CNTNAP3: variants seen among roughly 807,000 people sequenced by gnomAD.
CNTNAP3 encodes the protein contactin-associated protein-like 3.
CNTNAP3 carries 36 observed loss-of-function variants against 92.1 expected under a neutral mutation model. That is an observed-to-expected ratio of 0.39 (90% confidence interval 0.30 to 0.52). CNTNAP3 has a LOEUF of 0.52. CNTNAP3 is among the 20% of genes least tolerant of loss of function. The pLI, the probability that CNTNAP3 is intolerant of heterozygous loss-of-function variation, is 0.76. For synonymous variants in CNTNAP3, 232 were observed against 422.3 expected (o/e 0.55, Z 5.53); for missense variants, 534 against 1,069.6 (o/e 0.50, Z 6.98).
intron 13 of CNTNAP3, among the ~76,000 whole-genome samples, chr9:39,122,741 T>A (rs1186481853): frequency 6.6e-6 from 1 of 152,180 alleles, no homozygotes; most frequent in Non-Finnish European, 1.5e-5. Context: ...TACAGTCTTA[T>A]GAGACAAATC....
Position 39,252,950 on chromosome 9 carries a change from G to GTA in CNTNAP3, c.197-13766_197-13765dup, listed in dbSNP as rs1463434644. Among the ~76,000 whole-genome samples the GTA allele has an allele frequency of 3.0e-4, 2 of 6,706 alleles. 1 individual carries two copies. The highest frequency in any genetic ancestry group is 0.023 in the Non-Finnish European group (2 of 88). 4.4% of individuals were successfully genotyped at this position (6,706 alleles called of 152,430 possible). On this transcript the variant is annotated intron_variant, in intron 2 of 23. Coordinates refer to ENST00000297668, the MANE Select transcript of CNTNAP3 (RefSeq NM_033655.5). ...TATGTACTGACATATGTGTGTGTGT[G>GTA]TATATATATATATACACACACTCAC...
intron 14 of CNTNAP3, among the ~76,000 whole-genome samples, chr9:39,110,969 CA>C (rs1826733695): frequency 6.6e-6 from 1 of 151,884 alleles, no homozygotes; most frequent in Non-Finnish European, 1.5e-5. Flanking sequence ...GCATTTGTGG[CA>C]AAAGATCACA....
chr9:39,138,123 C>A (rs2988664), intron 12 of CNTNAP3, among the ~76,000 whole-genome samples: 2,403 of 151,492 alleles, frequency 0.016, 40 homozygotes, highest in East Asian at 0.095. Flanking sequence ...AAACTGGTCT[C>A]AGGCTATCTT....
chr9:39,130,988 A>T (rs1009041418), intron 13 of CNTNAP3, among the ~76,000 whole-genome samples: 25 of 152,086 alleles, frequency 1.6e-4, no homozygotes, highest in Admixed American at 4.6e-4. Context: ...AATTATCTCA[A>T]ATTTTTTTTT....
In CNTNAP3 at chr9:39,149,854, A is replaced by T; in HGVS notation, c.1601T>A (p.Leu534Gln). Residue 534 changes from leucine to glutamine, a missense_variant, in exon 10 of 24, where the codon CTG becomes CAG. Physicochemically the swap from Leu to Gln is moderately radical, Grantham distance 113. Transcript: ENST00000297668. ...VDPILVQQGA[L>Q]GSFRDLQIDS... ...TATCTGGAGGTCCCTGAAACTCCCC[A>T]GCGCCCCCTGCTGTACTAAGATGGG... is the stretch of plus-strand genomic sequence containing the variant. The T allele has an allele frequency of 6.2e-7, 1 of 1,603,388 alleles. No individual in the cohort carries two copies. The highest frequency in any genetic ancestry group is 1.1e-5 in the South Asian group (1 of 89,938).
At chr9:39,285,889 T>A (rs2988637) in intron 1 of CNTNAP3, among the ~76,000 whole-genome samples, 1 of 58,058 alleles carries the variant, frequency 1.7e-5, no homozygotes, top group African/African-American at 3.9e-5. Context: ...GGGTGGCCAA[T>A]GTGCTTCTCG....
At chr9:39,164,667 C>T (rs2453933) in intron 9 of CNTNAP3, among the ~76,000 whole-genome samples, 1 of 145,198 alleles carries the variant, frequency 6.9e-6, no homozygotes, top group African/African-American at 2.7e-5. Flanking sequence ...CTTTCTTACT[C>T]GAGAGTGAGT....
intron 13 of CNTNAP3, among the ~76,000 whole-genome samples, chr9:39,129,987 T>C (rs1821239346): frequency 6.6e-6 from 1 of 152,074 alleles, no homozygotes; most frequent in South Asian, 2.1e-4. Flanking sequence ...AAATAAAAAA[T>C]AGTCACAACA....
Position 39,103,896 on chromosome 9 carries a change from G to A in CNTNAP3, c.2384C>T (p.Ala795Val). The change falls in exon 16 of 24, where the codon GCT (alanine) becomes GTT (valine). Residue 795 changes from alanine (A) to valine (V), a missense_variant. Ala to Val is a moderately conservative substitution (Grantham distance 64). Transcript: ENST00000297668. ...CRGDQSFWNSASFNTETSYLH... is the reference protein window; with the variant it reads ...CRGDQSFWNSVSFNTETSYLH... ...GTATGAAGTCTCAGTGTTGAAGGAA[G>A]CTGAATTCCAGAATGACTCTGTTTA... The A allele has an allele frequency of 1.2e-6, 2 of 1,608,472 alleles. No homozygotes were observed. The highest frequency in any genetic ancestry group is 1.7e-6 in the Non-Finnish European group (2 of 1,178,496).
intron 18 of CNTNAP3, among the ~76,000 whole-genome samples, chr9:39,097,656 A>C (rs1826357664): frequency 1.3e-5 from 2 of 150,416 alleles, no homozygotes; most frequent in South Asian, 4.3e-4. Context: ...GGGGTAATGC[A>C]GTATCTCTGG....
chr9:39,075,944 C>T (rs1399854511), intron 23 of CNTNAP3, among the ~76,000 whole-genome samples: 1 of 152,302 alleles, frequency 6.6e-6, no homozygotes. Context: ...GCTTTTACTG[C>T]CTACATCGTA....
At chr9:39,121,730 G>C (rs1821027250) in intron 13 of CNTNAP3, among the ~76,000 whole-genome samples, 1 of 151,934 alleles carries the variant, frequency 6.6e-6, no homozygotes, top group Non-Finnish European at 1.5e-5. Context: ...TTTATCTCCA[G>C]GAAGAGCCCC....
intron 13 of CNTNAP3, among the ~76,000 whole-genome samples, chr9:39,129,484 T>C (rs1821225414): frequency 6.6e-6 from 1 of 152,040 alleles, no homozygotes; most frequent in African/African-American, 2.4e-5. Context: ...TGTCCCAAAA[T>C]AGGGCATGGA....
At chr9:39,129,466 A>G (rs1192261456) in intron 13 of CNTNAP3, among the ~76,000 whole-genome samples, 1 of 152,208 alleles carries the variant, frequency 6.6e-6, no homozygotes, top group Non-Finnish European at 1.5e-5. Flanking sequence ...CACATCTTAT[A>G]TAAAATGTGT....
chr9:39,145,457 C>T (rs191530185), intron 10 of CNTNAP3, among the ~76,000 whole-genome samples: 271 of 136,996 alleles, frequency 2.0e-3, no homozygotes, highest in East Asian at 0.018. Flanking sequence ...GAAGAGGGGC[C>T]GGGAGGTTGT....
intron 14 of CNTNAP3, among the ~76,000 whole-genome samples, chr9:39,114,947 C>T (rs1015484016): frequency 1.1e-4 from 16 of 150,654 alleles, no homozygotes; most frequent in Non-Finnish European, 1.9e-4. Context: ...GTCCACTATA[C>T]ATTTATACAC....
In CNTNAP3 at chr9:39,069,588, T is replaced by G. The variant is rs1825594307; in HGVS notation, c.*4302A>C. Among the ~76,000 whole-genome samples the G allele has an allele frequency of 6.6e-6, 1 of 152,046 alleles. No homozygotes were observed. The highest frequency in any genetic ancestry group is 2.4e-5 in the African/African-American group (1 of 41,418). On this transcript the variant is annotated 3_prime_UTR_variant, in exon 24 of 24. Transcript: ENST00000297668. Reference sequence around the variant, plus strand: ...AGGTCATAACCTATAGGCAATAAACTATGTTATCATTTTGTAAAAAAAATA... The same window carrying G: ...AGGTCATAACCTATAGGCAATAAACGATGTTATCATTTTGTAAAAAAAATA...
At chr9:39,104,302 C>T (rs1826542616) in intron 15 of CNTNAP3, among the ~76,000 whole-genome samples, 1 of 151,950 alleles carries the variant, frequency 6.6e-6, no homozygotes, top group Non-Finnish European at 1.5e-5. Context: ...GGTTTTTGGT[C>T]TAACTGGGAG....
intron 18 of CNTNAP3, among the ~76,000 whole-genome samples, chr9:39,092,066 T>C (rs987973871): frequency 9.4e-5 from 14 of 149,108 alleles, no homozygotes; most frequent in African/African-American, 3.4e-4. Flanking sequence ...TTGCAATCCA[T>C]GTTATTTCTG....
Sources: allele counts gnomAD v4.1 joint callset (sites outside exome capture counted in the v4.1 genomes callset), GRCh38; gene constraint gnomAD v4.1.1; transcripts MANE v1.5; gene names NCBI Gene and HGNC (gene_info 2026-07-23, HGNC 2026-07-21).